SLC2A14: variants seen among roughly 807,000 people sequenced by gnomAD.
The protein encoded by SLC2A14 is solute carrier family 2 member 14, also known as solute carrier family 2, facilitated glucose transporter member 14.
Under a neutral mutation model 43.0 loss-of-function variants are expected in SLC2A14, and 13 were observed. The observed-to-expected ratio is 0.30, with a 90% CI of 0.20 to 0.48. The LOEUF is 0.48. Among genes scored for constraint, SLC2A14 ranks in the 20% least tolerant of loss-of-function variants. The pLI is 0.99. For missense variants in SLC2A14, 428 were observed against 620.4 expected, an observed-to-expected ratio of 0.69 and a Z score of 3.29; for synonymous variants, 190 against 233.8, an observed-to-expected ratio of 0.81 and a Z score of 1.71.
At chr12:7,851,260 T>C (rs547803823) in intron 2 of SLC2A14, among the ~76,000 whole-genome samples, 85 of 152,328 alleles carry the variant, frequency 5.6e-4, no homozygotes, top group Middle Eastern at 3.4e-3. Flanking sequence ...CTAGCTATTT[T>C]ATTCTGTGCA....
intron 2 of SLC2A14, among the ~76,000 whole-genome samples, chr12:7,839,420 G>C (rs908697154): frequency 1.3e-5 from 2 of 152,148 alleles, no homozygotes; most frequent in African/African-American, 4.8e-5. Flanking sequence ...GTGAAGCGGG[G>C]GCAGAGTGGC....
At chr12:7,822,239 G>A (rs34899970) in intron 7 of SLC2A14, among the ~76,000 whole-genome samples, 48,038 of 151,802 alleles carry the variant, frequency 0.32, 8,774 homozygotes, top group South Asian at 0.42. Flanking sequence ...GATTACAGGC[G>A]TGAGCCACTG....
intron 1 of SLC2A14, chr12:7,872,399 G>C (rs1945282252): frequency 6.6e-6 from 1 of 151,964 alleles, no homozygotes; most frequent in Non-Finnish European, 1.5e-5. Flanking sequence ...CCTCACAAAG[G>C]CCTCTCAGAC....
chr12:7,855,016 G>A (rs982433987), intron 2 of SLC2A14, among the ~76,000 whole-genome samples: 1 of 151,890 alleles, frequency 6.6e-6, no homozygotes, highest in Non-Finnish European at 1.5e-5. Flanking sequence ...CACCATGTTG[G>A]CGAGGCTGGT....
chr12:7,879,006 CAAT>C (rs368924378), intron 1 of SLC2A14, among the ~76,000 whole-genome samples: 1,116 of 73,986 alleles, frequency 0.015, 27 homozygotes, highest in African/African-American at 0.05. Flanking sequence ...AAAAAAAAAA[CAAT>C]TTGTCTTTCT....
upstream of SLC2A14, among the ~76,000 whole-genome samples, chr12:7,875,457 AAGATT>A (rs1945447238): frequency 6.6e-6 from 1 of 151,064 alleles, no homozygotes; most frequent in African/African-American, 2.4e-5. Context: ...GCAGTCAGCC[AAGATT>A]GCACCACTGC....
chr12:7,834,645 T>C (rs1214927776), intron 2 of SLC2A14, among the ~76,000 whole-genome samples: 2 of 148,338 alleles, frequency 1.3e-5, no homozygotes, highest in African/African-American at 5.0e-5. Context: ...GGTGGGAGGA[T>C]CACTTGAGCC....
chr12:7,825,678 G>A (rs749426456), intron 7 of SLC2A14, among the ~76,000 whole-genome samples: 81 of 147,816 alleles, frequency 5.5e-4, no homozygotes, highest in African/African-American at 2.0e-3. Context: ...CAGAAGAATC[G>A]CTTGAACCCG....
upstream of SLC2A14, among the ~76,000 whole-genome samples, chr12:7,874,982 T>C (rs1406201072): frequency 1.6e-4 from 7 of 43,352 alleles, no homozygotes; most frequent in Non-Finnish European, 2.4e-4. Flanking sequence ...TAAATATATT[T>C]ATATATAAAT....
intron 7 of SLC2A14, 97 bp from the exon 8 acceptor site, chr12:7,821,422 C>T (rs558173866): frequency 9.4e-7 from 1 of 1,067,888 alleles, no homozygotes; most frequent in Admixed American, 1.9e-5. Flanking sequence ...GTTGCACAGG[C>T]CTGTAATCCC....
chr12:7,858,700 T>C (rs1232947337), intron 2 of SLC2A14, among the ~76,000 whole-genome samples: 2 of 152,046 alleles, frequency 1.3e-5, no homozygotes. Context: ...AGTTTCTCCA[T>C]GTTGGTCAGG....
intron 4 of SLC2A14, chr12:7,831,306 G>A: frequency 4.0e-6 from 1 of 250,206 alleles, no homozygotes; most frequent in South Asian, 1.1e-4. Flanking sequence ...AATTAAGTAT[G>A]TTCCTGGAAA....
intron 2 of SLC2A14, among the ~76,000 whole-genome samples, chr12:7,863,210 G>T (rs1334105955): frequency 1.3e-5 from 2 of 152,006 alleles, no homozygotes; most frequent in Non-Finnish European, 2.9e-5. Flanking sequence ...GACTCCTGAC[G>T]CGCTGCCTTA....
chr12:7,878,222 T>G (rs1004067424), upstream of SLC2A14, among the ~76,000 whole-genome samples: 2 of 151,962 alleles, frequency 1.3e-5, no homozygotes, highest in Admixed American at 1.3e-4. Context: ...GGCTAAGTTT[T>G]GTATTTTTAG....
rs192829672 is a variant in SLC2A14 at position 7,862,495 on chromosome 12, G to A, written c.18+7368C>T. On this transcript the variant is annotated intron_variant, in intron 2 of 10. Coordinates refer to ENST00000431042, the MANE Select transcript of SLC2A14 (RefSeq NM_001286234.2). ...CCCCTCTGTGGCCTCCTGTGCGGAC[G>A]AGCCTCCCCGACGAATGCCGCCCCC... is the stretch of plus-strand genomic sequence containing the variant. Among the ~76,000 whole-genome samples, 438 of 152,080 alleles carry A rather than the reference G, an allele frequency of 2.9e-3. 3 individuals carry two copies. The highest frequency in any genetic ancestry group is 9.6e-3 in the African/African-American group (398 of 41,502).
chr12:7,869,469 T>C (rs1351555823), intron 2 of SLC2A14, among the ~76,000 whole-genome samples: 1 of 152,168 alleles, frequency 6.6e-6, no homozygotes, highest in African/African-American at 2.4e-5. Context: ...GAAAAAGTTA[T>C]TATTACTGTG....
intron 2 of SLC2A14, among the ~76,000 whole-genome samples, chr12:7,842,885 C>T (rs1236020117): frequency 6.6e-6 from 1 of 152,056 alleles, no homozygotes; most frequent in Non-Finnish European, 1.5e-5. Flanking sequence ...TGTGCCACCA[C>T]ACCCAGCTAA....
chr12:7,839,924 CAAAAAAAAAAAAAAAA>C (rs57569188), intron 2 of SLC2A14: 53 of 167,972 alleles, frequency 3.2e-4, no homozygotes, highest in East Asian at 2.0e-3. Flanking sequence ...CCTGTCTCTA[CAAAAAAAAAAAAAAAA>C]AAAAAAAAAA....
intron 2 of SLC2A14, among the ~76,000 whole-genome samples, chr12:7,857,277 TAAAC>T (rs1176358953): frequency 1.4e-5 from 2 of 144,270 alleles, no homozygotes; most frequent in African/African-American, 2.6e-5. Context: ...ACAAAAAACA[TAAAC>T]AAAAACCATT....
Sources: allele counts gnomAD v4.1 joint callset (sites outside exome capture counted in the v4.1 genomes callset), GRCh38; gene constraint gnomAD v4.1.1; transcripts MANE v1.5; gene names NCBI Gene and HGNC (gene_info 2026-07-23, HGNC 2026-07-21).